Variants in TBC1D32 observed in about 807,000 individuals in gnomAD.
TBC1D32 encodes TBC1 domain family member 32, also known as protein broad-minded.
Under a neutral mutation model 170.3 loss-of-function variants are expected in TBC1D32, and 151 were observed. The ratio of observed to expected loss-of-function variants is 0.89; its 90% confidence interval spans 0.78 to 1.01. The LOEUF (loss-of-function observed/expected upper bound fraction) is 1.01, where lower values mean the gene tolerates loss of function less well. TBC1D32 is among the 50% of genes least tolerant of loss of function. The pLI, the probability that TBC1D32 is intolerant of heterozygous loss-of-function variation, is 0.00. For synonymous variants in TBC1D32, 498 were observed against 488.0 expected (o/e 1.02, Z -0.27); for missense variants, 1,464 against 1,457.1 (o/e 1.00, Z -0.08).
At chr6:121,142,246 CATGA>C (rs1254521572) in intron 24 of TBC1D32, among the ~76,000 whole-genome samples, 1 of 152,218 alleles carries the variant, frequency 6.6e-6, no homozygotes, top group East Asian at 1.9e-4. Flanking sequence ...GCAGACTTGG[CATGA>C]ATGTTTATGC....
chr6:121,250,905 G>A lies in TBC1D32; in HGVS notation c.2018+4423C>T, dbSNP rs138053878. ...CAAAGTCTCAGGATACAAAATCAACGTGCAAAAATCACAGGCATTCCTATA... is the reference window on the plus strand; with the variant it reads ...CAAAGTCTCAGGATACAAAATCAACATGCAAAAATCACAGGCATTCCTATA... On this transcript the variant is annotated intron_variant, in intron 17 of 31. Coordinates refer to ENST00000398212, the MANE Select transcript of TBC1D32 (RefSeq NM_152730.6). Among the ~76,000 whole-genome samples the A allele has an allele frequency of 1.3e-4, 20 of 152,170 alleles. No individual in the cohort carries two copies. In the East Asian group the frequency reaches 3.7e-3, roughly 28 times the overall value.
intron 31 of TBC1D32, among the ~76,000 whole-genome samples, chr6:121,086,102 A>G (rs1776248715): frequency 6.6e-6 from 1 of 152,124 alleles, no homozygotes; most frequent in Non-Finnish European, 1.5e-5. Flanking sequence ...CAAAGAAATA[A>G]GAAGAATCTA....
intron 17 of TBC1D32, among the ~76,000 whole-genome samples, chr6:121,250,982 G>A (rs548652909): frequency 2.6e-5 from 4 of 152,156 alleles, no homozygotes; most frequent in African/African-American, 4.8e-5. Flanking sequence ...ATTCACAACT[G>A]CTGCGAGGAA....
At chr6:121,094,679 T>C (rs766801620) in intron 30 of TBC1D32, among the ~76,000 whole-genome samples, 10 of 152,154 alleles carry the variant, frequency 6.6e-5, no homozygotes, top group African/African-American at 2.2e-4. Flanking sequence ...TAAGTTACTT[T>C]TCTCCTATAG....
chr6:121,266,673 T>G (rs1800527517), intron 15 of TBC1D32, among the ~76,000 whole-genome samples: 1 of 152,044 alleles, frequency 6.6e-6, no homozygotes, highest in African/African-American at 2.4e-5. Context: ...AAACGCCTAT[T>G]AATTATAGAC....
Position 121,115,188 on chromosome 6 carries a change from T to C in TBC1D32, c.3037A>G (p.Ile1013Val), listed in dbSNP as rs201909100. The C allele has an allele frequency of 3.8e-6, 6 of 1,598,848 alleles. No homozygotes were observed. The African/African-American group carries it at 8.0e-5, about 21-fold the overall frequency. Residue 1013 changes from isoleucine to valine, a missense_variant, in exon 27 of 32, where the codon ATT becomes GTT. Ile to Val is a conservative substitution (Grantham distance 29). Coordinates refer to ENST00000398212, the MANE Select transcript of TBC1D32 (RefSeq NM_152730.6). ...ATAATATACCTGACAGTCATTTTAA[T>C]GCCAAGCTGCTGCACAGATGAAAGA... Reference protein sequence around the residue: ...ESLSSVQQLGIKMTVRYGKFL... With the variant: ...ESLSSVQQLGVKMTVRYGKFL...
chr6:121,314,217 C>G (rs13215474), intron 3 of TBC1D32, among the ~76,000 whole-genome samples: 1 of 152,202 alleles, frequency 6.6e-6, no homozygotes, highest in African/African-American at 2.4e-5. Flanking sequence ...ACTACAACCT[C>G]TATGTCAGCC....
At chr6:121,135,802 C>T (rs530061947) in intron 24 of TBC1D32, among the ~76,000 whole-genome samples, 1 of 152,180 alleles carries the variant, frequency 6.6e-6, no homozygotes, top group Non-Finnish European at 1.5e-5. Context: ...TAGTTAACTA[C>T]CTGGGTTTTC....
At chr6:121,316,839 C>T (rs1295447883) in intron 3 of TBC1D32, among the ~76,000 whole-genome samples, 2 of 151,960 alleles carry the variant, frequency 1.3e-5, no homozygotes, top group African/African-American at 4.8e-5. Context: ...CTAAAAATAC[C>T]AGGTGAGATC....
At chr6:121,232,698 A>G (rs1031216048) in intron 20 of TBC1D32, among the ~76,000 whole-genome samples, 10 of 150,444 alleles carry the variant, frequency 6.6e-5, no homozygotes, top group African/African-American at 2.4e-4. Flanking sequence ...ACTATTGTAA[A>G]CCAGGTTGAA....
At chr6:121,132,305 C>A (rs1582898768) in intron 24 of TBC1D32, among the ~76,000 whole-genome samples, 1 of 151,910 alleles carries the variant, frequency 6.6e-6, no homozygotes, top group Admixed American at 6.6e-5. Flanking sequence ...TGCAAGATCA[C>A]GTTGAGCTTC....
intron 29 of TBC1D32, among the ~76,000 whole-genome samples, chr6:121,108,090 AC>A (rs1269603112): frequency 6.6e-6 from 1 of 152,114 alleles, no homozygotes; most frequent in East Asian, 1.9e-4. Flanking sequence ...ATGATTGCAC[AC>A]ACAGACTGCA....
intron 17 of TBC1D32, among the ~76,000 whole-genome samples, chr6:121,249,020 C>A (rs1428674407): frequency 1.3e-5 from 2 of 151,798 alleles, no homozygotes; most frequent in Non-Finnish European, 2.9e-5. Flanking sequence ...AGACCAATAT[C>A]TCTGATAAAC....
chr6:121,183,404 T>C (rs1788788570), intron 22 of TBC1D32, among the ~76,000 whole-genome samples: 1 of 152,110 alleles, frequency 6.6e-6, no homozygotes, highest in African/African-American at 2.4e-5. Context: ...CAGCAAAGCT[T>C]TAGAGGCACG....
At chr6:121,201,195 T>G (rs569014192) in intron 22 of TBC1D32, among the ~76,000 whole-genome samples, 5 of 151,286 alleles carry the variant, frequency 3.3e-5, no homozygotes, top group African/African-American at 9.8e-5. Context: ...GAATACGTAT[T>G]CAATAAATAC....
At chr6:121,264,001 G>A (rs114830331) in intron 15 of TBC1D32, among the ~76,000 whole-genome samples, 4,989 of 152,036 alleles carry the variant, frequency 0.033, 194 homozygotes, top group East Asian at 0.12. Context: ...ATCTCAAATC[G>A]ACACCATAAC....
At chr6:121,314,992 G>A (rs1038685825) in intron 3 of TBC1D32, among the ~76,000 whole-genome samples, 4 of 152,198 alleles carry the variant, frequency 2.6e-5, no homozygotes, top group African/African-American at 7.2e-5. Flanking sequence ...ACGGGAAGTA[G>A]TATTTTCATC....
At chr6:121,206,915 T>C (rs1792349735) in intron 21 of TBC1D32, among the ~76,000 whole-genome samples, 1 of 152,162 alleles carries the variant, frequency 6.6e-6, no homozygotes, top group South Asian at 2.1e-4. Flanking sequence ...CTATCTCCTT[T>C]AACCTCTCTA....
intron 24 of TBC1D32, 145 bp from the exon 25 acceptor site, chr6:121,131,897 T>A (rs1781480570): frequency 3.7e-6 from 2 of 538,076 alleles, no homozygotes; most frequent in Non-Finnish European, 6.2e-6. Context: ...TGTAATTACA[T>A]CTTATACCAT....
Sources: gnomAD v4.1 joint callset for allele counts (sites outside exome capture counted in the v4.1 genomes callset) on GRCh38, gnomAD v4.1.1 for gene constraint, MANE v1.5 for transcripts, NCBI Gene and HGNC (gene_info 2026-07-23, HGNC 2026-07-21) for gene names.